PRELID2: variants seen among roughly 807,000 people sequenced by gnomAD.
The protein encoded by PRELID2 is PRELI domain-containing protein 2.
PRELID2 carries 25 observed loss-of-function variants against 28.4 expected under a neutral mutation model. The ratio of observed to expected loss-of-function variants is 0.88; its 90% confidence interval spans 0.64 to 1.23. The LOEUF (loss-of-function observed/expected upper bound fraction) is 1.23, where lower values mean the gene tolerates loss of function less well. PRELID2 is among the 50% of genes most tolerant of loss of function. PRELID2 has a pLI of 0.00. For missense variants in PRELID2, 201 were observed against 214.4 expected (o/e 0.94, Z 0.39); for synonymous variants, 76 against 71.6 (o/e 1.06, Z -0.31).
chr5:145,699,318 C>T (rs868778), intron 1 of PRELID2, among the ~76,000 whole-genome samples: 2,372 of 152,172 alleles, frequency 0.016, 63 homozygotes, highest in African/African-American at 0.054. Flanking sequence ...TTTGGGAAAA[C>T]TGGGACCAGT....
intron 5 of PRELID2, among the ~76,000 whole-genome samples, chr5:145,781,582 AT>A (rs1274044923): frequency 6.7e-6 from 1 of 148,572 alleles, no homozygotes; most frequent in Non-Finnish European, 1.5e-5. Flanking sequence ...ATGTGTGTGT[AT>A]ATAGATATAT....
At chr5:145,412,720 T>C in the PRELID2 span, among the ~76,000 whole-genome samples, 1 of 152,196 alleles carries the variant, frequency 6.6e-6, no homozygotes, top group African/African-American at 2.4e-5. Flanking sequence ...ACCAATTTAC[T>C]GCATTAGTTT....
the PRELID2 span, among the ~76,000 whole-genome samples, chr5:145,303,070 T>C: frequency 6.6e-6 from 1 of 152,212 alleles, no homozygotes; most frequent in Non-Finnish European, 1.5e-5. Context: ...TACCACTGAC[T>C]AGCTGTGTGA....
chr5:145,506,855 C>T (rs1258679349), intron 1 of PRELID2, among the ~76,000 whole-genome samples: 1 of 152,224 alleles, frequency 6.6e-6, no homozygotes, highest in Non-Finnish European at 1.5e-5. Flanking sequence ...ATGCCACCTC[C>T]TCAGAGAGGC....
At chr5:145,383,622 CAA>C in the PRELID2 span, among the ~76,000 whole-genome samples, 5 of 127,196 alleles carry the variant, frequency 3.9e-5, no homozygotes, top group Admixed American at 7.8e-5. Context: ...TGTCAGCATG[CAA>C]AAAAAAAAAA....
At chr5:145,801,941 A>G (rs1753167931) in intron 4 of PRELID2, among the ~76,000 whole-genome samples, 1 of 152,190 alleles carries the variant, frequency 6.6e-6, no homozygotes, top group Admixed American at 6.5e-5. Flanking sequence ...TTCTCTCTCC[A>G]GGACCATTGC....
At chr5:145,234,642 A>G in the PRELID2 span, among the ~76,000 whole-genome samples, 1 of 152,180 alleles carries the variant, frequency 6.6e-6, no homozygotes, top group Non-Finnish European at 1.5e-5. Context: ...CAAGACAAGA[A>G]CAAGCAACTG....
chr5:145,630,646 C>A (rs932871340), intron 1 of PRELID2, among the ~76,000 whole-genome samples: 3 of 152,124 alleles, frequency 2.0e-5, no homozygotes, highest in Non-Finnish European at 2.9e-5. Context: ...GATGCAAGAC[C>A]TTCTAAAAGA....
At chr5:145,696,347 G>A (rs976112759) in intron 1 of PRELID2, among the ~76,000 whole-genome samples, 11 of 151,658 alleles carry the variant, frequency 7.3e-5, no homozygotes, top group African/African-American at 2.7e-4. Flanking sequence ...CAAGATTCAG[G>A]AATTATGGTC....
At chr5:145,387,854 C>G in the PRELID2 span, among the ~76,000 whole-genome samples, 1 of 151,384 alleles carries the variant, frequency 6.6e-6, no homozygotes, top group South Asian at 2.1e-4. Flanking sequence ...ATTGCTTGAG[C>G]CTGGGAGGTT....
At chr5:145,237,082 T>C in the PRELID2 span, among the ~76,000 whole-genome samples, 5 of 152,140 alleles carry the variant, frequency 3.3e-5, no homozygotes, top group Non-Finnish European at 7.4e-5. Context: ...GCCAACCCTC[T>C]TGTTCTTCTG....
intron 1 of PRELID2, among the ~76,000 whole-genome samples, chr5:145,511,238 A>T (rs1752458284): frequency 6.6e-6 from 1 of 152,244 alleles, no homozygotes; most frequent in Non-Finnish European, 1.5e-5. Context: ...AGAAATGCAC[A>T]TGCATAGCTT....
chr5:145,371,388 G>C, the PRELID2 span, among the ~76,000 whole-genome samples: 1 of 151,700 alleles, frequency 6.6e-6, no homozygotes, highest in Admixed American at 6.6e-5. Flanking sequence ...ATTTTGTCTT[G>C]GTTTTATTTA....
At chr5:145,376,043 G>A in the PRELID2 span, among the ~76,000 whole-genome samples, 9 of 152,120 alleles carry the variant, frequency 5.9e-5, no homozygotes, top group South Asian at 2.1e-4. Flanking sequence ...TGTCACAGAC[G>A]GCTCTTATTA....
the PRELID2 span, among the ~76,000 whole-genome samples, chr5:145,340,785 A>ATATG: frequency 6.9e-6 from 1 of 144,564 alleles, no homozygotes; most frequent in Admixed American, 7.0e-5. Context: ...ATATATATAT[A>ATATG]TATATATATA....
chr5:145,596,193 G>A (rs527442813), intron 1 of PRELID2, among the ~76,000 whole-genome samples: 1 of 149,710 alleles, frequency 6.7e-6, no homozygotes, highest in Non-Finnish European at 1.5e-5. Flanking sequence ...ATGGAAGGAG[G>A]GAGAACTTAT....
At chr5:145,576,184 TC>T (rs1439816771) in intron 1 of PRELID2, among the ~76,000 whole-genome samples, 1 of 152,174 alleles carries the variant, frequency 6.6e-6, no homozygotes, top group Non-Finnish European at 1.5e-5. Context: ...TTTGGTACAT[TC>T]ACAGAAATTT....
At chr5:145,458,058 G>A in the PRELID2 span, among the ~76,000 whole-genome samples, 1 of 152,108 alleles carries the variant, frequency 6.6e-6, no homozygotes, top group Admixed American at 6.6e-5. Context: ...CCACCAACTT[G>A]TTTTGGGTGA....
the PRELID2 span, among the ~76,000 whole-genome samples, chr5:145,253,850 A>G: frequency 6.6e-6 from 1 of 152,132 alleles, no homozygotes; most frequent in African/African-American, 2.4e-5. Context: ...AAAAAAACAA[A>G]AAAAAAATCC....
Sources: gnomAD v4.1 joint callset for allele counts (sites outside exome capture counted in the v4.1 genomes callset) on GRCh38, gnomAD v4.1.1 for gene constraint, MANE v1.5 for transcripts, NCBI Gene and HGNC (gene_info 2026-07-23, HGNC 2026-07-21) for gene names.